ROBO2: variants seen among roughly 807,000 people sequenced by gnomAD.
ROBO2 encodes the protein roundabout guidance receptor 2.
In ROBO2, 53 loss-of-function variants were observed where a neutral mutation model predicts 160.8. The ratio of observed to expected loss-of-function variants is 0.33; its 90% CI spans 0.26 to 0.41. The LOEUF is 0.41. Among genes scored for constraint, ROBO2 ranks in the 10% least tolerant of loss-of-function variants. The pLI, the probability that ROBO2 is intolerant of heterozygous loss-of-function variation, is 1.00. For synonymous variants in ROBO2, 664 were observed against 611.7 expected (o/e 1.09, Z -1.26); for missense variants, 1,577 against 1,722.4 (o/e 0.92, Z 1.49).
At chr3:76,076,387 C>G (rs1576757596) in intron 2 of ROBO2, among the ~76,000 whole-genome samples, 1 of 151,986 alleles carries the variant, frequency 6.6e-6, no homozygotes, top group East Asian at 1.9e-4. Context: ...CGATGAAAGG[C>G]CATATTAACT....
At chr3:77,443,805 A>G (rs1302152333) in intron 2 of ROBO2, among the ~76,000 whole-genome samples, 2 of 152,156 alleles carry the variant, frequency 1.3e-5, no homozygotes, top group Non-Finnish European at 2.9e-5. Context: ...AGGCAGACAT[A>G]GCATTAAGAC....
intron 2 of ROBO2, among the ~76,000 whole-genome samples, chr3:76,758,802 A>G (rs1490779114): frequency 6.6e-6 from 1 of 151,864 alleles, no homozygotes; most frequent in Non-Finnish European, 1.5e-5. Flanking sequence ...TAAAGATCAC[A>G]CCAAGGAATT....
intron 2 of ROBO2, among the ~76,000 whole-genome samples, chr3:76,251,512 A>G (rs1236397714): frequency 6.6e-6 from 1 of 152,076 alleles, no homozygotes; most frequent in East Asian, 1.9e-4. Context: ...AAAATGGTCA[A>G]TTTCTGTACC....
chr3:77,165,447 C>T (rs1162628145), intron 2 of ROBO2, among the ~76,000 whole-genome samples: 3 of 148,296 alleles, frequency 2.0e-5, no homozygotes, highest in African/African-American at 7.5e-5. Flanking sequence ...GGTCCTCTGC[C>T]TAGGAAAACC....
chr3:76,612,091 G>A (rs2088172625), intron 2 of ROBO2, among the ~76,000 whole-genome samples: 1 of 152,094 alleles, frequency 6.6e-6, no homozygotes, highest in Admixed American at 6.5e-5. Flanking sequence ...CTAATTTCTA[G>A]TTTTATTCTA....
intron 6 of ROBO2, among the ~76,000 whole-genome samples, chr3:77,527,998 GT>G (rs942392496): frequency 3.3e-5 from 5 of 151,498 alleles, no homozygotes; most frequent in African/African-American, 1.2e-4. Flanking sequence ...AAATCTGAGT[GT>G]TTGTGGTTTT....
chr3:76,552,630 T>A (rs2108374572), intron 2 of ROBO2, among the ~76,000 whole-genome samples: 1 of 152,292 alleles, frequency 6.6e-6, no homozygotes, highest in African/African-American at 2.4e-5. Flanking sequence ...AGGGAAAACA[T>A]TTGAACAAAC....
chr3:77,038,123 A>G (rs558533505), upstream of ROBO2, among the ~76,000 whole-genome samples: 1 of 152,338 alleles, frequency 6.6e-6, no homozygotes, highest in African/African-American at 2.4e-5. Flanking sequence ...CCACAGTGTT[A>G]TCCAATTTAG....
intron 2 of ROBO2, among the ~76,000 whole-genome samples, chr3:76,584,326 T>A (rs530885734): frequency 8.0e-6 from 1 of 124,364 alleles, no homozygotes; most frequent in African/African-American, 2.6e-5. Context: ...CAATATATGA[T>A]TCCCCCCCAG....
intron 2 of ROBO2, among the ~76,000 whole-genome samples, chr3:76,696,244 T>C (rs2092924636): frequency 6.6e-6 from 1 of 152,124 alleles, no homozygotes; most frequent in Admixed American, 6.6e-5. Context: ...ATGGAGACAT[T>C]TTATCTGGAT....
At chr3:76,322,332 A>G (rs1047744309) in intron 2 of ROBO2, among the ~76,000 whole-genome samples, 2 of 151,628 alleles carry the variant, frequency 1.3e-5, no homozygotes, top group Non-Finnish European at 2.9e-5. Context: ...TGTAAAAATT[A>G]TAACGTTTGC....
rs1443136422 is a variant in ROBO2, at chr3:77,317,610, T to C, written c.389-159804T>C. On this transcript the variant is annotated intron_variant, in intron 2 of 25. Coordinates refer to ENST00000461745, the Ensembl canonical transcript of ROBO2. ...GCATACGTGGGTGGCACAGCCGTCTTCTGCTCAAAGGTGGCGGCGGGCTCT... is the reference window on the plus strand; with the variant it reads ...GCATACGTGGGTGGCACAGCCGTCTCCTGCTCAAAGGTGGCGGCGGGCTCT... 2.8e-6 allele frequency: 3 copies of C among 1,070,428 alleles called. No individual in the cohort carries two copies. The East Asian group carries it at 1.2e-4, about 41-fold the overall frequency. The allele number at this position is 1,070,428 out of a possible 1,614,324, so 66.3% of individuals were successfully genotyped here.
chr3:76,707,731 GTATATATATA>G lies in ROBO2; in HGVS notation c.110-390262_110-390253del, dbSNP rs56401900. On this transcript the variant is annotated intron_variant, in intron 2 of 26. Coordinates refer to the ROBO2 transcript ENST00000487694. ...CACACACATTAGAATACATGTGTGT[GTATATATATA>G]TATATATATATATATATATAAATCT... is the stretch of plus-strand genomic sequence containing the variant. 9.7e-3 allele frequency among the ~76,000 whole-genome samples: 1,303 copies of G among 134,090 alleles called. 22 individuals are homozygous for G. Among genetic ancestry groups the G allele is most frequent in the African/African-American group, 0.031 (1,158 of 36,782 alleles). The allele number at this position is 134,090 out of a possible 152,430, so 88.0% of individuals were successfully genotyped here.
intron 2 of ROBO2, among the ~76,000 whole-genome samples, chr3:77,292,131 C>T (rs1287766955): frequency 6.6e-6 from 1 of 150,606 alleles, no homozygotes; most frequent in Non-Finnish European, 1.5e-5. Context: ...TCACCCCAGA[C>T]ATAAAGTAAA....
At chr3:76,505,524 G>A (rs2080749953) in intron 2 of ROBO2, among the ~76,000 whole-genome samples, 2 of 152,196 alleles carry the variant, frequency 1.3e-5, no homozygotes, top group East Asian at 1.9e-4. Flanking sequence ...GTCATACTGC[G>A]GTAGGGTGGA....
At chr3:77,531,757 TGGATG>T (rs2091746789) in intron 6 of ROBO2, among the ~76,000 whole-genome samples, 1 of 152,136 alleles carries the variant, frequency 6.6e-6, no homozygotes, top group Non-Finnish European at 1.5e-5. Context: ...TTTTCATGTT[TGGATG>T]CACTTTTTGC....
chr3:76,052,983 C>A (rs1031856696), intron 2 of ROBO2, among the ~76,000 whole-genome samples: 1 of 151,866 alleles, frequency 6.6e-6, no homozygotes, highest in East Asian at 1.9e-4. Context: ...TTTAAAGAAG[C>A]TAGTTTTATG....
exon 26 of ROBO2, chr3:77,649,260 T>C (rs2095433050): frequency 6.6e-6 from 1 of 152,228 alleles, no homozygotes; most frequent in East Asian, 1.9e-4. Context: ...ACAGATTTAA[T>C]GGTGTTCTAT....
chr3:76,079,481 A>AG, intron 2 of ROBO2, among the ~76,000 whole-genome samples: 1 of 107,904 alleles, frequency 9.3e-6, no homozygotes, highest in Non-Finnish European at 1.8e-5. Context: ...TATTATTATT[A>AG]GTTTTTTTTT....
Sources: gnomAD v4.1 joint callset for allele counts (sites outside exome capture counted in the v4.1 genomes callset) on GRCh38, gnomAD v4.1.1 for gene constraint, MANE v1.5 for transcripts, NCBI Gene and HGNC (gene_info 2026-07-23, HGNC 2026-07-21) for gene names.